CDH18: variants seen among roughly 807,000 people sequenced by gnomAD.
CDH18 encodes the protein cadherin-18.
In CDH18, 31 loss-of-function variants were observed where a neutral mutation model predicts 67.9. That is an observed-to-expected ratio of 0.46 (90% confidence interval 0.34 to 0.62). The LOEUF (loss-of-function observed/expected upper bound fraction) is 0.62, where lower values mean the gene tolerates loss of function less well. Among genes scored for constraint, CDH18 ranks in the 20% least tolerant of loss-of-function variants. The pLI is 0.01. For missense variants in CDH18, 890 were observed against 975.5 expected, an observed-to-expected ratio of 0.91 and a Z score of 1.17; for synonymous variants, 362 against 347.2, an observed-to-expected ratio of 1.04 and a Z score of -0.48.
chr5:19,738,002 T>C (rs116006499), intron 4 of CDH18, among the ~76,000 whole-genome samples: 2,326 of 152,238 alleles, frequency 0.015, 53 homozygotes, highest in African/African-American at 0.054. Flanking sequence ...ATGATTCTAA[T>C]GAGAAAATCG....
intron 1 of CDH18, among the ~76,000 whole-genome samples, chr5:20,469,008 G>A (rs1751863986): frequency 6.6e-6 from 1 of 152,150 alleles, no homozygotes; most frequent in Admixed American, 6.5e-5. Context: ...TATGTCCTCG[G>A]CTGAAGTCAG....
chr5:20,175,278 TA>T (rs1481556358), intron 2 of CDH18, among the ~76,000 whole-genome samples: 9 of 152,042 alleles, frequency 5.9e-5, no homozygotes, highest in Non-Finnish European at 7.4e-5. Context: ...GATCAGGTGC[TA>T]AAAACCCCAT....
At chr5:20,531,933 T>C (rs904207289) in intron 1 of CDH18, among the ~76,000 whole-genome samples, 1 of 152,056 alleles carries the variant, frequency 6.6e-6, no homozygotes, top group Admixed American at 6.6e-5. Flanking sequence ...GAAAAAAATA[T>C]AGTAAGTTCA....
intron 2 of CDH18, among the ~76,000 whole-genome samples, chr5:20,107,756 CT>C (rs200374165): frequency 0.023 from 3,451 of 149,018 alleles, 137 homozygotes; most frequent in African/African-American, 0.075. Flanking sequence ...TTTTCCACTT[CT>C]TTTTTTTTTA....
intron 5 of CDH18, among the ~76,000 whole-genome samples, chr5:19,666,683 C>T (rs1758006326): frequency 6.6e-6 from 1 of 151,976 alleles, no homozygotes; most frequent in Non-Finnish European, 1.5e-5. Flanking sequence ...CAGCTAACCT[C>T]CCAAAAGACA....
chr5:20,449,564 C>A (rs188433241), intron 1 of CDH18, among the ~76,000 whole-genome samples: 2 of 151,932 alleles, frequency 1.3e-5, no homozygotes, highest in East Asian at 1.9e-4. Context: ...AAATATAATA[C>A]CCCCTTTCGT....
In CDH18 at chr5:19,829,837, G is replaced by C. The variant is rs1326369027; in HGVS notation, c.228+8922C>G. The stretch of plus-strand genomic sequence containing the variant: ...CAACATGGTACAAGTACAAAAAAAT[G>C]GACCAAAAGATCAAGGGAACAGAAT... On this transcript the variant is annotated intron_variant, in intron 3 of 12. Coordinates refer to ENST00000382275, the MANE Select transcript of CDH18 (RefSeq NM_004934.5). 2.6e-5 allele frequency among the ~76,000 whole-genome samples: 4 copies of C among 152,032 alleles called. No homozygotes were observed. The East Asian group carries it at 7.7e-4, about 29-fold the overall frequency.
intron 2 of CDH18, among the ~76,000 whole-genome samples, chr5:19,900,456 A>C (rs1789819335): frequency 1.3e-5 from 2 of 151,832 alleles, no homozygotes; most frequent in Admixed American, 1.3e-4. Flanking sequence ...CAATGTATAC[A>C]TGTATCAAAC....
At chr5:19,490,199 T>C (rs1741175501) in intron 11 of CDH18, among the ~76,000 whole-genome samples, 1 of 151,960 alleles carries the variant, frequency 6.6e-6, no homozygotes, top group Non-Finnish European at 1.5e-5. Flanking sequence ...ATAATTCTAT[T>C]TTTAAAATAG....
intron 2 of CDH18, among the ~76,000 whole-genome samples, chr5:19,849,584 A>G (rs567451017): frequency 1.4e-5 from 2 of 139,732 alleles, no homozygotes; most frequent in African/African-American, 5.1e-5. Context: ...AGCATTTCAA[A>G]CATATATATA....
At chr5:20,200,476 C>T (rs1739363292) in intron 2 of CDH18, among the ~76,000 whole-genome samples, 1 of 152,012 alleles carries the variant, frequency 6.6e-6, no homozygotes, top group African/African-American at 2.4e-5. Context: ...GAGTTCAAGA[C>T]CAGCCTTGGA....
chr5:19,914,898 A>T (rs1791583763), intron 2 of CDH18, among the ~76,000 whole-genome samples: 1 of 152,136 alleles, frequency 6.6e-6, no homozygotes, highest in Admixed American at 6.6e-5. Flanking sequence ...AAGGAACTTA[A>T]CAATTTTTTT....
At chr5:19,960,594 T>C (rs890075991) in intron 2 of CDH18, among the ~76,000 whole-genome samples, 4 of 138,448 alleles carry the variant, frequency 2.9e-5, no homozygotes, top group African/African-American at 1.2e-4. Context: ...TGTGTGTATA[T>C]ATATATATAC....
Position 19,594,179 on chromosome 5 carries a change from G to A in CDH18, c.812-2935C>T, listed in dbSNP as rs901199475. On this transcript the variant is annotated intron_variant, in intron 6 of 12. Transcript: ENST00000382275. ...TTTGTTTTGTTTTGTTTTGTTTTTT[G>A]ACACGGAATCTCACTCTGGCTGGAG... Among the ~76,000 whole-genome samples the A allele has an allele frequency of 3.3e-5, 5 of 151,750 alleles. No homozygotes were observed. In the East Asian group the frequency reaches 9.7e-4, roughly 30 times the overall value.
At chr5:19,591,345 T>C (rs1745102389) in intron 6 of CDH18, 101 bp from the exon 7 acceptor site, 3 of 671,784 alleles carry the variant, frequency 4.5e-6, no homozygotes, top group South Asian at 9.0e-5. Flanking sequence ...ATGAAGACTA[T>C]ATTAGGTAAT....
chr5:20,049,580 G>C (rs563840726), intron 2 of CDH18, among the ~76,000 whole-genome samples: 1 of 151,834 alleles, frequency 6.6e-6, no homozygotes, highest in South Asian at 2.1e-4. Context: ...TTAAAAAACA[G>C]TAACACAATG....
intron 5 of CDH18, among the ~76,000 whole-genome samples, chr5:19,716,257 A>G (rs946265880): frequency 2.0e-5 from 3 of 152,178 alleles, no homozygotes; most frequent in African/African-American, 4.8e-5. Flanking sequence ...AACAGAAGCA[A>G]AAAACTTAAT....
chr5:20,183,696 A>G (rs1222157689), intron 2 of CDH18, among the ~76,000 whole-genome samples: 2 of 152,086 alleles, frequency 1.3e-5, no homozygotes, highest in Non-Finnish European at 2.9e-5. Flanking sequence ...TCACTTGCAT[A>G]TAGTTTTCTG....
Position 20,528,123 on chromosome 5 carries a change from C to A in CDH18, c.-580+47339G>T, listed in dbSNP as rs556222900. Among the ~76,000 whole-genome samples the A allele has an allele frequency of 7.3e-4, 111 of 151,996 alleles. 2 individuals carry two copies. Among genetic ancestry groups the A allele is most frequent in the African/African-American group, 2.7e-3 (111 of 41,412 alleles). On this transcript the variant is annotated intron_variant, in intron 1 of 14. Coordinates refer to the CDH18 transcript ENST00000507958. ...TGGGGGTTGCAATCCTAGTTTCTGACAAAAGGTAGGCTTTAAACCAACAAA... is the reference window on the plus strand; with the variant it reads ...TGGGGGTTGCAATCCTAGTTTCTGAAAAAAGGTAGGCTTTAAACCAACAAA...
Sources: gnomAD v4.1 joint callset for allele counts (sites outside exome capture counted in the v4.1 genomes callset) on GRCh38, gnomAD v4.1.1 for gene constraint, MANE v1.5 for transcripts, NCBI Gene and HGNC (gene_info 2026-07-23, HGNC 2026-07-21) for gene names.